Variants in CACNA1A observed in about 807,000 individuals in gnomAD.
CACNA1A encodes calcium voltage-gated channel subunit alpha1 A, also known as voltage-dependent P/Q-type calcium channel subunit alpha-1A.
A neutral mutation model predicts 262.4 loss-of-function variants in CACNA1A; 57 were observed. The observed-to-expected ratio is 0.22, with a 90% CI of 0.18 to 0.27. The LOEUF is 0.27. CACNA1A is among the 10% of genes least tolerant of loss of function. CACNA1A has a pLI of 1.00. For missense variants in CACNA1A, 2,526 were observed against 3,562.8 expected, an observed-to-expected ratio of 0.71 and a Z score of 7.41; for synonymous variants, 1,431 against 1,419.3, an observed-to-expected ratio of 1.01 and a Z score of -0.18.
chr19:13,299,283 G>A lies in CACNA1A; in HGVS notation c.2350C>T (p.Gln784Ter). ...WEQRTSEMRK[Q>*]NLLASREALY... is the part of the protein sequence containing the mutation. ...GCCTCCCGGCTGGCCAGCAAGTTCT[G>A]CTTTCGCATCTCACTGGTCCGCTGC... Residue 784 changes from glutamine (Q) to a stop codon, truncating the protein, a stop_gained, in exon 19 of 47, where the codon CAG becomes TAG. Coordinates refer to ENST00000360228, the MANE Select transcript of CACNA1A (RefSeq NM_001127222.2). LOFTEE classifies it high-confidence loss of function. 6.2e-7 allele frequency: 1 copy of A among 1,604,278 alleles called. No individual in the cohort carries two copies. Among genetic ancestry groups the A allele is most frequent in the Admixed American group, 1.7e-5 (1 of 60,028 alleles).
intron 17 of CACNA1A, among the ~76,000 whole-genome samples, chr19:13,302,796 G>A (rs1568513287): frequency 6.6e-6 from 1 of 152,206 alleles, no homozygotes; most frequent in Non-Finnish European, 1.5e-5. Context: ...CTGGGGCCGG[G>A]AAACTCTCTC....
In CACNA1A at chr19:13,209,360, GGCT is replaced by G. The variant is rs757198773; in HGVS notation, c.6475_6477del (p.Ser2159del). On this transcript the variant is annotated inframe_deletion, in exon 45 of 47. Coordinates refer to ENST00000360228, the MANE Select transcript of CACNA1A (RefSeq NM_001127222.2). ...CCCAGGGAGCGCTCAGAGGCGCGGT[GGCT>G]GCGGTCGCGGCGCCGCTGGTGGTGC... is the stretch of plus-strand genomic sequence containing the variant. 7.2e-7 allele frequency: 1 copy of G among 1,390,796 alleles called. No individual in the cohort carries two copies. The highest frequency in any genetic ancestry group is 9.4e-7 in the Non-Finnish European group (1 of 1,068,116). 86.2% of individuals were successfully genotyped at this position (1,390,796 alleles called of 1,614,324 possible).
At chr19:13,481,171 T>A (rs1979262007) in intron 1 of CACNA1A, among the ~76,000 whole-genome samples, 1 of 152,184 alleles carries the variant, frequency 6.6e-6, no homozygotes, top group Admixed American at 6.5e-5. Flanking sequence ...ACCATGGCTG[T>A]CCTTATTTTA....
rs190078579 is a variant in CACNA1A at position 13,298,180 on chromosome 19, G to A, written c.3089+364C>T. ...GAGTCTCACTCTGTCGCCCAGGCTG[G>A]AGTGCGGTGGTGTGATCTCGGCTCA... On this transcript the variant is annotated intron_variant, in intron 19 of 46. Transcript: ENST00000360228. Among the ~76,000 whole-genome samples, 1,014 of 142,768 alleles carry A rather than the reference G, an allele frequency of 7.1e-3. 6 individuals are homozygous for A. Among genetic ancestry groups the A allele is most frequent in the Non-Finnish European group, 0.012 (768 of 66,170 alleles). The allele number at this position is 142,768 out of a possible 152,430, so 93.7% of individuals were successfully genotyped here.
rs924927963 is a variant in CACNA1A, at chr19:13,259,552, C to T, written c.4388+12G>A. 4.4e-5 allele frequency: 70 copies of T among 1,595,636 alleles called. No homozygotes were observed. Among genetic ancestry groups the T allele is most frequent in the Admixed American group, 8.7e-5 (5 of 57,666 alleles). On this transcript the variant is annotated intron_variant, in intron 27 of 46. Transcript: ENST00000360228. ...GGCTCCTCCTGGATAGATTTCCAGT[C>T]GGGCCACTTACTGTGGCCAGCCTTC...
At chr19:13,230,293 G>T in intron 35 of CACNA1A, 84 bp from the exon 36 acceptor site, 1 of 1,479,414 alleles carries the variant, frequency 6.8e-7, no homozygotes, top group Non-Finnish European at 9.3e-7. Context: ...CAGACAGACA[G>T]ACGGACAGAC....
At chr19:13,279,911 T>C (rs4404198) in intron 22 of CACNA1A, among the ~76,000 whole-genome samples, 106,910 of 151,904 alleles carry the variant, frequency 0.7, 37,973 homozygotes, top group East Asian at 0.93. Context: ...TGGGTTCAAG[T>C]GATTCTTGTG....
At chr19:13,474,835 A>G (rs906446977) in intron 1 of CACNA1A, among the ~76,000 whole-genome samples, 4 of 151,020 alleles carry the variant, frequency 2.6e-5, no homozygotes, top group Admixed American at 6.6e-5. Flanking sequence ...AAAAAATGCA[A>G]TGAGTTAAAA....
Position 13,489,003 on chromosome 19 carries a change from C to CTTTTTTTTTTTTTTTT in CACNA1A, c.293+16913_293+16928dup, listed in dbSNP as rs896790084. On this transcript the variant is annotated intron_variant, in intron 1 of 46. Transcript: ENST00000360228. ...TATTGTAATTAATTTCTTTTCTTTT[C>CTTTTTTTTTTTTTTTT]TTTTTTTTTTTTTTTTTTTTTTTTT... 6.6e-4 allele frequency among the ~76,000 whole-genome samples: 50 copies of CTTTTTTTTTTTTTTTT among 75,222 alleles called. 6 individuals carry two copies. The highest frequency in any genetic ancestry group is 1.5e-3 in the African/African-American group (21 of 13,786). The allele number at this position is 75,222 out of a possible 152,430, so 49.3% of individuals were successfully genotyped here.
At position 13,302,048 on chromosome 19, in the gene CACNA1A, TAA is replaced by T. The variant is rs1281777240; in HGVS notation, c.2173-1394_2173-1393del. Among the ~76,000 whole-genome samples, 11 of 152,300 alleles carry T rather than the reference TAA, an allele frequency of 7.2e-5. No individual in the cohort carries two copies. In the East Asian group the frequency reaches 2.1e-3, roughly 29 times the overall value. The stretch of plus-strand genomic sequence containing the variant: ...TTTCCCACAGGTTCCCAAGTGAGCA[TAA>T]AACATGCCCAAATTCAAGCAACTGG... On this transcript the variant is annotated intron_variant, in intron 17 of 46. Coordinates refer to ENST00000360228, the MANE Select transcript of CACNA1A (RefSeq NM_001127222.2).
rs752034937 is a variant in CACNA1A at position 13,212,557 on chromosome 19, C to T, written c.6051-35G>A. On this transcript the variant is annotated intron_variant, in intron 41 of 46. Transcript: ENST00000360228. This position sits in a 1 kb window ranked among gnomAD's most constrained non-coding sequence, Gnocchi z 5.6. ...GGACAGAGGCCGGGGTAGCAGTGGG[C>T]GCTTGGGCAGCTTCCAGAACGTGGG... 19 of 1,532,208 alleles carry T rather than the reference C, an allele frequency of 1.2e-5. No individual in the cohort carries two copies. Among genetic ancestry groups the T allele is most frequent in the South Asian group, 3.7e-5 (3 of 81,432 alleles). 94.9% of individuals were successfully genotyped at this position (1,532,208 alleles called of 1,614,324 possible). A position where few individuals can be genotyped will look rare whatever the true frequency, so the allele number is the denominator to read the frequency against.
chr19:13,439,939 G>A (rs557860131), intron 3 of CACNA1A, among the ~76,000 whole-genome samples: 43 of 152,192 alleles, frequency 2.8e-4, no homozygotes, highest in African/African-American at 9.6e-4. Context: ...GTAGGAAAAC[G>A]TGACTGGTTG....
At chr19:13,430,586 C>A (rs1056247594) in intron 3 of CACNA1A, among the ~76,000 whole-genome samples, 1 of 152,214 alleles carries the variant, frequency 6.6e-6, no homozygotes, top group South Asian at 2.1e-4. Flanking sequence ...GGGCTTGATG[C>A]CCCTGGAAGA....
Position 13,207,896 on chromosome 19 carries a change from TGC to T in CACNA1A, c.6936_6937del (p.Gln2313AlafsTer189). 1.5e-6 allele frequency: 2 copies of T among 1,336,862 alleles called. No individual in the cohort carries two copies. The highest frequency in any genetic ancestry group is 2.9e-5 in the Admixed American group (1 of 34,286). 82.8% of individuals were successfully genotyped at this position (1,336,862 alleles called of 1,614,324 possible). A position where few individuals can be genotyped will look rare whatever the true frequency, so the allele number is the denominator to read the frequency against. ...CTGCTGCTGCTGCTGCTGCTGCTGCTGCGGGGGCCCCGAGCCGCCGGCCTTAC... is the reference window on the plus strand; with the variant it reads ...CTGCTGCTGCTGCTGCTGCTGCTGCTGGGGGCCCCGAGCCGCCGGCCTTAC... On this transcript the variant is annotated frameshift_variant, in exon 47 of 47. Coordinates refer to ENST00000360228, the MANE Select transcript of CACNA1A (RefSeq NM_001127222.2). LOFTEE classifies it low-confidence loss of function (END_TRUNC). This position sits in a 1 kb window ranked among gnomAD's most constrained non-coding sequence, Gnocchi z 5.7.
chr19:13,446,099 A>G (rs967164693), intron 3 of CACNA1A, among the ~76,000 whole-genome samples: 27 of 151,648 alleles, frequency 1.8e-4, no homozygotes, highest in African/African-American at 5.8e-4. Context: ...ATAGTGTGAA[A>G]CCCCGTCTCT....
intron 27 of CACNA1A, chr19:13,259,343 G>GTTTTTTT (rs2056664612): frequency 2.5e-5 from 2 of 79,844 alleles, no homozygotes; most frequent in Non-Finnish European, 4.5e-5. Flanking sequence ...TTTTTTTTTT[G>GTTTTTTT]GGATTTTTAG....
intron 3 of CACNA1A, among the ~76,000 whole-genome samples, chr19:13,394,874 G>A (rs1308056111): frequency 6.6e-6 from 1 of 152,066 alleles, no homozygotes; most frequent in Non-Finnish European, 1.5e-5. Flanking sequence ...TCCCTAAGGC[G>A]GGTCGTAGAA....
Position 13,413,713 on chromosome 19 carries a change from T to C in CACNA1A, c.539+39163A>G, listed in dbSNP as rs559127419. 2.0e-4 allele frequency among the ~76,000 whole-genome samples: 27 copies of C among 135,182 alleles called. No homozygotes were observed. The South Asian group carries it at 6.0e-3, about 30-fold the overall frequency. The allele number at this position is 135,182 out of a possible 152,430, so 88.7% of individuals were successfully genotyped here. A position where few individuals can be genotyped will look rare whatever the true frequency, so the allele number is the denominator to read the frequency against. ...GGCCAACATAGCGAAACCCCGTCTC[T>C]ACTAAAAAAAAAAAAAAAATTGCCG... On this transcript the variant is annotated intron_variant, in intron 3 of 46. Coordinates refer to ENST00000360228, the MANE Select transcript of CACNA1A (RefSeq NM_001127222.2).
chr19:13,423,138 T>C (rs2060345279), intron 3 of CACNA1A, among the ~76,000 whole-genome samples: 1 of 152,156 alleles, frequency 6.6e-6, no homozygotes, highest in African/African-American at 2.4e-5. Flanking sequence ...AGAAAAGCAA[T>C]TCCCTCTCTG....
Sources: allele counts gnomAD v4.1 joint callset (sites outside exome capture counted in the v4.1 genomes callset), GRCh38; gene constraint gnomAD v4.1.1; non-coding constraint Gnocchi (gnomAD v3.1); transcripts MANE v1.5; gene names NCBI Gene and HGNC (gene_info 2026-07-23, HGNC 2026-07-21).